The following ASTN2 variants were observed in gnomAD, a reference collection of about 807,000 sequenced individuals.
ASTN2 encodes the protein astrotactin 2, also known as astrotactin-2.
A neutral mutation model predicts 139.8 loss-of-function variants in ASTN2; 54 were observed. The observed-to-expected ratio is 0.39, with a 90% CI of 0.31 to 0.48. ASTN2 has a LOEUF of 0.48. Among genes scored for constraint, ASTN2 ranks in the 20% least tolerant of loss-of-function variants. ASTN2 has a pLI of 0.95. For synonymous variants in ASTN2, 756 were observed against 719.5 expected (o/e 1.05, Z -0.81); for missense variants, 1,565 against 1,725.1 (o/e 0.91, Z 1.64).
At chr9:116,677,299 T>C (rs963132961) in intron 16 of ASTN2, among the ~76,000 whole-genome samples, 8 of 152,050 alleles carry the variant, frequency 5.3e-5, no homozygotes, top group Non-Finnish European at 8.8e-5. Flanking sequence ...GGAGGCACCA[T>C]AGACCCTGTT....
At chr9:116,585,584 G>C (rs1290287276) in intron 19 of ASTN2, 1 of 152,140 alleles carries the variant, frequency 6.6e-6, no homozygotes, top group Non-Finnish European at 1.5e-5. Context: ...TCCTTATTCA[G>C]TAAATGGTGC....
At chr9:117,356,954 C>T (rs1475312596) in intron 1 of ASTN2, among the ~76,000 whole-genome samples, 1 of 152,056 alleles carries the variant, frequency 6.6e-6, no homozygotes, top group African/African-American at 2.4e-5. Flanking sequence ...ATGCCAGCTA[C>T]TTGGGAGGTG....
chr9:116,742,146 C>T (rs531874955), intron 13 of ASTN2, among the ~76,000 whole-genome samples: 11 of 152,310 alleles, frequency 7.2e-5, no homozygotes, highest in East Asian at 5.8e-4. Context: ...TTTCATTCTC[C>T]GGAAATCCTA....
chr9:116,999,208 G>T (rs1837110375), intron 7 of ASTN2, among the ~76,000 whole-genome samples: 1 of 152,084 alleles, frequency 6.6e-6, no homozygotes, highest in African/African-American at 2.4e-5. Context: ...GTGCTTAAAA[G>T]GTCATAGAAA....
At chr9:116,748,427 T>C (rs1459132745) in intron 13 of ASTN2, among the ~76,000 whole-genome samples, 1 of 152,206 alleles carries the variant, frequency 6.6e-6, no homozygotes, top group Admixed American at 6.5e-5. Flanking sequence ...CCGAGGGGTC[T>C]AGCTGCTTAC....
chr9:116,508,898 T>C (rs2119173819), intron 19 of ASTN2, among the ~76,000 whole-genome samples: 1 of 152,280 alleles, frequency 6.6e-6, no homozygotes, highest in South Asian at 2.1e-4. Context: ...AAGAGGTAGC[T>C]TGGAAGATGC....
chr9:116,536,279 A>G lies in ASTN2; in HGVS notation c.3356-48779T>C, dbSNP rs556105771. ...CTTCTAATCTTTTTTCAAGGTTTTT[A>G]TCTTCTTTGCGATGGGTTCAAACTT... On this transcript the variant is annotated intron_variant, in intron 19 of 22. Transcript: ENST00000313400. Among the ~76,000 whole-genome samples, 7 of 151,782 alleles carry G rather than the reference A, an allele frequency of 4.6e-5. No individual in the cohort carries two copies. The East Asian group carries it at 7.8e-4, about 17-fold the overall frequency.
At chr9:117,045,087 G>T (rs1261260165) in intron 5 of ASTN2, among the ~76,000 whole-genome samples, 3 of 152,032 alleles carry the variant, frequency 2.0e-5, no homozygotes, top group Non-Finnish European at 2.9e-5. Context: ...GGCCTTTGGG[G>T]TCAGGCATAT....
chr9:117,144,735 G>A (rs1830155859), intron 3 of ASTN2, among the ~76,000 whole-genome samples: 2 of 136,344 alleles, frequency 1.5e-5, no homozygotes, highest in African/African-American at 5.5e-5. Flanking sequence ...AGGCTGGAGT[G>A]CAGTGGCGTG....
chr9:116,792,235 CCAGT>C (rs1830579025), intron 13 of ASTN2, among the ~76,000 whole-genome samples: 1 of 152,014 alleles, frequency 6.6e-6, no homozygotes, highest in Non-Finnish European at 1.5e-5. Flanking sequence ...CTTTCTATCC[CCAGT>C]CAAACTAATG....
intron 12 of ASTN2, among the ~76,000 whole-genome samples, chr9:116,818,247 C>G (rs1427932937): frequency 6.6e-6 from 1 of 152,198 alleles, no homozygotes; most frequent in East Asian, 1.9e-4. Context: ...CCAGAACACT[C>G]TTAGGAAGGT....
chr9:117,063,721 G>A (rs1839365748), intron 5 of ASTN2, among the ~76,000 whole-genome samples: 1 of 152,124 alleles, frequency 6.6e-6, no homozygotes, highest in Non-Finnish European at 1.5e-5. Context: ...TGGGAACACT[G>A]CCCTTGAGCA....
At chr9:117,109,041 T>C (rs1365166165) in intron 4 of ASTN2, among the ~76,000 whole-genome samples, 2 of 152,068 alleles carry the variant, frequency 1.3e-5, no homozygotes, top group Non-Finnish European at 2.9e-5. Context: ...TCCTAGCAGT[T>C]TGGGAGGCCG....
At position 116,565,351 on chromosome 9, in the gene ASTN2, T is replaced by TTCTCTCTCTC. The variant is rs772428232; in HGVS notation, c.3355+52963_3355+52972dup. On this transcript the variant is annotated intron_variant, in intron 19 of 22. Coordinates refer to ENST00000313400, the MANE Select transcript of ASTN2 (RefSeq NM_001365068.1). ...CAGGATAATGTTTTTAAGACACTGT[T>TTCTCTCTCTC]TCTCTCTCTCTCTCTCTCTCTCTCT... 1.3e-3 allele frequency among the ~76,000 whole-genome samples: 47 copies of TTCTCTCTCTC among 35,998 alleles called. 1 individual carries two copies. The highest frequency in any genetic ancestry group is 0.01 in the Middle Eastern group (1 of 96). 23.6% of individuals were successfully genotyped at this position (35,998 alleles called of 152,430 possible).
At chr9:116,459,571 AG>A (rs1257629122) in intron 20 of ASTN2, among the ~76,000 whole-genome samples, 2 of 152,096 alleles carry the variant, frequency 1.3e-5, no homozygotes, top group Non-Finnish European at 1.5e-5. Context: ...CAATTTACGA[AG>A]CACAATTTAA....
Position 116,425,849 on chromosome 9 carries a change from C to G in ASTN2, c.*2G>C, listed in dbSNP as rs377329370. ...TGTGCTCACGGAGGGCAATACCCTC[C>G]CTCACCGGCCCTTGGACTCCCCGTA... On this transcript the variant is annotated 3_prime_UTR_variant, in exon 23 of 23. Coordinates refer to ENST00000313400, the MANE Select transcript of ASTN2 (RefSeq NM_001365068.1). 5.0e-6 allele frequency: 8 copies of G among 1,614,030 alleles called. No homozygotes were observed. The highest frequency in any genetic ancestry group is 5.9e-6 in the Non-Finnish European group (7 of 1,180,032).
intron 1 of ASTN2, among the ~76,000 whole-genome samples, chr9:117,367,464 G>A (rs1829874342): frequency 6.6e-6 from 1 of 152,156 alleles, no homozygotes; most frequent in Non-Finnish European, 1.5e-5. Context: ...TTTCTGTAAA[G>A]AAGGGACATT....
rs760535491 is a variant in ASTN2 at position 117,292,958 on chromosome 9, TAGG to T, written c.443-1448_443-1446del. On this transcript the variant is annotated intron_variant, in intron 1 of 22. Coordinates refer to ENST00000313400, the MANE Select transcript of ASTN2 (RefSeq NM_001365068.1). ...CTTGAGGTTCACAATCAAAAATCCT[TAGG>T]AGAAGAGTGTTTAGCACTTAATAAG... 1.7e-4 allele frequency among the ~76,000 whole-genome samples: 26 copies of T among 152,128 alleles called. 1 individual carries two copies. The highest frequency in any genetic ancestry group is 2.9e-4 in the African/African-American group (12 of 41,414).
intron 7 of ASTN2, among the ~76,000 whole-genome samples, chr9:117,006,891 C>A (rs1008766362): frequency 2.0e-5 from 3 of 152,020 alleles, no homozygotes; most frequent in Non-Finnish European, 2.9e-5. Flanking sequence ...CCGAGGTGGG[C>A]GGATCATGAA....
Sources: allele counts gnomAD v4.1 joint callset (sites outside exome capture counted in the v4.1 genomes callset), GRCh38; gene constraint gnomAD v4.1.1; transcripts MANE v1.5; gene names NCBI Gene and HGNC (gene_info 2026-07-23, HGNC 2026-07-21).